The following ARL10 variants were observed in gnomAD, a reference collection of about 807,000 sequenced individuals.
ARL10 encodes ARF like GTPase 10, also known as ADP-ribosylation factor-like protein 10.
ARL10 carries 23 observed loss-of-function variants against 26.1 expected under a neutral mutation model. The observed-to-expected ratio is 0.88, with a 90% CI of 0.63 to 1.25. The LOEUF (loss-of-function observed/expected upper bound fraction) is 1.25. Among genes scored for constraint, ARL10 ranks in the 50% most tolerant of loss-of-function variants. The pLI is 0.00. For synonymous variants in ARL10, 138 were observed against 149.1 expected (o/e 0.93, Z 0.54); for missense variants, 300 against 323.6 (o/e 0.93, Z 0.56).
chr5:176,389,969 G>T (rs1756194818), downstream of ARL10, among the ~76,000 whole-genome samples: 1 of 151,982 alleles, frequency 6.6e-6, no homozygotes, highest in African/African-American at 2.4e-5. Flanking sequence ...GATCACCTGA[G>T]GTCAAGAGTT....
intron 1 of ARL10, among the ~76,000 whole-genome samples, chr5:176,397,092 GT>G (rs769262604): frequency 9.2e-5 from 14 of 152,102 alleles, no homozygotes; most frequent in Non-Finnish European, 1.9e-4. Flanking sequence ...GAACATGTGT[GT>G]TTTTCTCCTC....
At chr5:176,392,531 A>G, downstream of ARL10, 1 of 515,504 alleles carries the variant, frequency 1.9e-6, no homozygotes, top group Non-Finnish European at 3.5e-6. This position sits in a 1 kb window ranked among gnomAD's most constrained non-coding sequence, Gnocchi z 5.2. Context: ...CCAAGAAAAA[A>G]AATACATCAG....
At chr5:176,404,420 CGGA>C (rs1427450908), downstream of ARL10, among the ~76,000 whole-genome samples, 1 of 152,202 alleles carries the variant, frequency 6.6e-6, no homozygotes, top group Admixed American at 6.5e-5. Flanking sequence ...GGCAGCGGAG[CGGA>C]GCCTCTAATT....
intron 1 of ARL10, 41 bp from the exon 2 acceptor site, chr5:176,366,339 G>T: frequency 1.9e-6 from 3 of 1,564,690 alleles, no homozygotes; most frequent in South Asian, 1.2e-5. Context: ...AAGGTCCTTC[G>T]GGAGGCCGCC....
chr5:176,400,225 G>C (rs1024384177), intron 1 of ARL10, among the ~76,000 whole-genome samples: 5 of 151,182 alleles, frequency 3.3e-5, no homozygotes, highest in African/African-American at 9.7e-5. Flanking sequence ...AAGAAAGAAA[G>C]AAAAAAAGGA....
chr5:176,413,140 G>C, the ARL10 span, among the ~76,000 whole-genome samples: 1 of 152,104 alleles, frequency 6.6e-6, no homozygotes, highest in African/African-American at 2.4e-5. Flanking sequence ...TTCCCACAGT[G>C]CTCTCCACCC....
At chr5:176,398,009 G>C (rs780832720) in intron 1 of ARL10, 1 of 1,614,066 alleles carries the variant, frequency 6.2e-7, no homozygotes, top group Non-Finnish European at 8.5e-7. Context: ...TGTCAGCCTG[G>C]GCAATGGCTG....
At chr5:176,367,352 G>A (rs1301765862) in intron 2 of ARL10, among the ~76,000 whole-genome samples, 1 of 152,010 alleles carries the variant, frequency 6.6e-6, no homozygotes, top group Non-Finnish European at 1.5e-5. Flanking sequence ...TGTCGCCCAG[G>A]CTGGAATGGC....
Position 176,374,076 on chromosome 5 carries a change from T to G in ARL10, c.*2181T>G, listed in dbSNP as rs1561775216. On this transcript the variant is annotated 3_prime_UTR_variant, in exon 4 of 4. Transcript: ENST00000310389. ...CTGGCATTTGCCTTACCTGAACATG[T>G]TTTAGCAGCCTTCAGCCGACGATTG... The G allele has an allele frequency of 1.3e-5, 2 of 152,216 alleles. No homozygotes were observed. Among genetic ancestry groups the G allele is most frequent in the African/African-American group, 4.8e-5 (2 of 41,452 alleles). 9.4% of individuals were successfully genotyped at this position (152,216 alleles called of 1,614,324 possible). A position where few individuals can be genotyped will look rare whatever the true frequency, so the allele number is the denominator to read the frequency against.
chr5:176,369,215 A>C, intron 3 of ARL10: 1 of 1,500,870 alleles, frequency 6.7e-7, no homozygotes, highest in Non-Finnish European at 8.9e-7. Flanking sequence ...TGCCTCCTAT[A>C]TGCCAGGCAT....
exon 2 of ARL10, chr5:176,401,755 A>C: frequency 2.2e-6 from 1 of 456,244 alleles, no homozygotes; most frequent in Non-Finnish European, 4.4e-6. Context: ...TAAAATGAAA[A>C]CAGCGACACT....
the ARL10 span, among the ~76,000 whole-genome samples, chr5:176,411,505 C>T: frequency 6.6e-6 from 1 of 152,174 alleles, no homozygotes; most frequent in Non-Finnish European, 1.5e-5. Flanking sequence ...CCTGACCACA[C>T]CCCCATCCAC....
downstream of ARL10, among the ~76,000 whole-genome samples, chr5:176,390,555 G>A (rs552625148): frequency 4.3e-4 from 65 of 152,204 alleles, no homozygotes; most frequent in African/African-American, 1.4e-3. Context: ...TCAGCCTCCC[G>A]AGTAGCTGGG....
chr5:176,369,666 T>C (rs1391405687), intron 3 of ARL10, among the ~76,000 whole-genome samples: 4 of 152,044 alleles, frequency 2.6e-5, no homozygotes, highest in Admixed American at 2.6e-4. Flanking sequence ...TTGAGAGTAA[T>C]AGAATTGGTC....
the ARL10 span, among the ~76,000 whole-genome samples, chr5:176,413,124 T>C: frequency 2.0e-5 from 3 of 152,146 alleles, no homozygotes; most frequent in Non-Finnish European, 2.9e-5. Flanking sequence ...GCATTCCAAG[T>C]ACCTGTTCCC....
chr5:176,374,040 T>G lies in ARL10; in HGVS notation c.*2145T>G, dbSNP rs1768622167. ...AACGAAAATAACTTAGGTTGCCTGA[T>G]TGGCTGCAGTCTGGCATTTGCCTTA... is the stretch of plus-strand genomic sequence containing the variant. On this transcript the variant is annotated 3_prime_UTR_variant, in exon 4 of 4. Coordinates refer to ENST00000310389, the MANE Select transcript of ARL10 (RefSeq NM_173664.6). The G allele has an allele frequency of 1.3e-5, 2 of 152,190 alleles. No homozygotes were observed. The highest frequency in any genetic ancestry group is 4.8e-5 in the African/African-American group (2 of 41,448). The allele number at this position is 152,190 out of a possible 1,614,324, so 9.4% of individuals were successfully genotyped here.
chr5:176,413,011 G>A, the ARL10 span, among the ~76,000 whole-genome samples: 1 of 152,086 alleles, frequency 6.6e-6, no homozygotes. Flanking sequence ...ACAGCTGCCT[G>A]GGGTCTACCC....
intron 1 of ARL10, chr5:176,398,115 T>A (rs1390313539): frequency 7.0e-7 from 1 of 1,421,306 alleles, no homozygotes; most frequent in East Asian, 2.3e-5. Flanking sequence ...CTGCCCCTGC[T>A]GGGGACCCAC....
chr5:176,400,145 C>G (rs979745321), intron 1 of ARL10, among the ~76,000 whole-genome samples: 2 of 134,144 alleles, frequency 1.5e-5, no homozygotes, highest in Non-Finnish European at 3.2e-5. Context: ...TGCAGTGAGC[C>G]AAGATCACAC....
Sources: gnomAD v4.1 joint callset for allele counts (sites outside exome capture counted in the v4.1 genomes callset) on GRCh38, gnomAD v4.1.1 for gene constraint, Gnocchi (gnomAD v3.1) non-coding constraint, MANE v1.5 for transcripts, NCBI Gene and HGNC (gene_info 2026-07-23, HGNC 2026-07-21) for gene names.